The following STRADA variants were observed in gnomAD, a reference collection of about 807,000 sequenced individuals.
The protein encoded by STRADA is STE20 related adaptor alpha.
In STRADA, 26 loss-of-function variants were observed where a neutral mutation model predicts 55.0. That is an observed-to-expected ratio of 0.47 (90% CI 0.35 to 0.66). The LOEUF is 0.66. STRADA is among the 30% of genes least tolerant of loss of function. STRADA has a pLI of 0.01. For synonymous variants in STRADA, 197 were observed against 210.9 expected (o/e 0.93, Z 0.57); for missense variants, 443 against 549.7 (o/e 0.81, Z 1.94).
In STRADA at chr17:63,707,414, C is replaced by T. The variant is rs768478785; in HGVS notation, c.586G>A (p.Val196Ile). The stretch of plus-strand genomic sequence containing the variant: ...GAGATCAGGATGTGGCTGGCTTTGA[C>T]ACTCCTGGGGAAGCGGGGAGGGTGT... ...IHHMGYVHRSVKASHILISVD... is the reference protein window; with the variant it reads ...IHHMGYVHRSIKASHILISVD... The change falls in exon 9 of 13, where the codon GTC becomes ATC. Residue 196 changes from valine (V) to isoleucine (I), a missense_variant. By Grantham distance (29) the Val-to-Ile change is conservative. Coordinates refer to ENST00000336174, the MANE Select transcript of STRADA (RefSeq NM_001003787.4). The T allele has an allele frequency of 1.9e-6, 3 of 1,613,564 alleles. No homozygotes were observed. The South Asian group carries it at 3.3e-5, about 18-fold the overall frequency.
rs113214648 is a variant in STRADA at position 63,732,324 on chromosome 17, C to A, written c.-44-3911G>T. Among the ~76,000 whole-genome samples, 1,049 of 152,062 alleles carry A rather than the reference C, an allele frequency of 6.9e-3. 11 individuals carry two copies. Among genetic ancestry groups the A allele is most frequent in the African/African-American group, 0.023 (964 of 41,496 alleles). Reference sequence around the variant, plus strand: ...CTGGCCAATAGTGGCATATTAAAAACCATTCTTTTTTTGGAGACAGGGTCT... The same window carrying A: ...CTGGCCAATAGTGGCATATTAAAAAACATTCTTTTTTTGGAGACAGGGTCT... On this transcript the variant is annotated intron_variant, in intron 1 of 12. Transcript: ENST00000336174.
intron 5 of STRADA, among the ~76,000 whole-genome samples, chr17:63,713,800 T>C (rs2036667709): frequency 6.6e-6 from 1 of 152,164 alleles, no homozygotes; most frequent in African/African-American, 2.4e-5. Context: ...AAAGGAAAGA[T>C]GGCAAAAGAG....
At chr17:63,713,311 GT>G in intron 6 of STRADA, 94 bp downstream of exon 6, 1 of 1,523,846 alleles carries the variant, frequency 6.6e-7, no homozygotes, top group Non-Finnish European at 8.9e-7. Flanking sequence ...ACTTCCGAAC[GT>G]TTAGTCTCCC....
At chr17:63,704,620 T>TGGG (rs66871703) in intron 10 of STRADA, 38 bp from the exon 11 acceptor site, 6 of 1,214,078 alleles carry the variant, frequency 4.9e-6, no homozygotes, top group East Asian at 7.0e-5. Context: ...CTGTAGCGGG[T>TGGG]GGGGGGGGGG....
intron 1 of STRADA, among the ~76,000 whole-genome samples, chr17:63,739,873 G>A (rs943512517): frequency 4.5e-5 from 6 of 134,624 alleles, no homozygotes; most frequent in Admixed American, 2.8e-4. Context: ...GGCCCGGGAC[G>A]GCTGCTCCGA....
intron 1 of STRADA, among the ~76,000 whole-genome samples, chr17:63,736,363 C>T (rs1009556713): frequency 6.6e-6 from 1 of 151,570 alleles, no homozygotes; most frequent in Non-Finnish European, 1.5e-5. Context: ...CGCGGTGGCT[C>T]ACTCCTGTAA....
intron 1 of STRADA, among the ~76,000 whole-genome samples, chr17:63,731,774 G>A (rs539193277): frequency 3.0e-4 from 45 of 152,300 alleles, no homozygotes; most frequent in Non-Finnish European, 5.9e-5. Context: ...GAAAATTAGT[G>A]TAAAGAGGCA....
intron 1 of STRADA, among the ~76,000 whole-genome samples, chr17:63,736,180 A>AC (rs1240003072): frequency 6.7e-6 from 1 of 150,370 alleles, no homozygotes; most frequent in African/African-American, 2.4e-5. Context: ...TAGGTGATCC[A>AC]CCCGCCTCAG....
intron 9 of STRADA, 46 bp downstream of exon 9, chr17:63,707,201 G>A (rs761128449): frequency 1.0e-4 from 164 of 1,604,148 alleles, no homozygotes; most frequent in South Asian, 1.4e-4. Context: ...GCTCCCTTGG[G>A]AATCATGAGT....
intron 10 of STRADA, 135 bp from the exon 11 acceptor site, chr17:63,704,717 G>A: frequency 1.3e-6 from 2 of 1,511,384 alleles, no homozygotes; most frequent in Non-Finnish European, 8.8e-7. Flanking sequence ...GGAAAAGGTG[G>A]AAGTGGAGTA....
At chr17:63,712,708 GA>G (rs1248381870) in intron 6 of STRADA, among the ~76,000 whole-genome samples, 1 of 149,880 alleles carries the variant, frequency 6.7e-6, no homozygotes, top group Non-Finnish European at 1.5e-5. Flanking sequence ...ACCCTGTCTC[GA>G]AAAAAAAGAG....
At chr17:63,715,855 A>T (rs1467847049) in intron 4 of STRADA, among the ~76,000 whole-genome samples, 1 of 152,136 alleles carries the variant, frequency 6.6e-6, no homozygotes, top group Non-Finnish European at 1.5e-5. Flanking sequence ...TCAGCACATG[A>T]ATATATCTCA....
At position 63,704,000 on chromosome 17, in the gene STRADA, G is replaced by A. The variant is rs116089215; in HGVS notation, c.1143+5C>T. 4.3e-6 allele frequency: 7 copies of A among 1,614,072 alleles called. No homozygotes were observed. Among genetic ancestry groups the A allele is most frequent in the African/African-American group, 1.3e-5 (1 of 75,044 alleles). Reference sequence around the variant, plus strand: ...ACCAGAACCAGAACGAAGGGGCTACGATACCTGCTTGAAGAAAGAGTGGTT... The same window carrying A: ...ACCAGAACCAGAACGAAGGGGCTACAATACCTGCTTGAAGAAAGAGTGGTT... On this transcript the variant is annotated splice_donor_5th_base_variant and intron_variant, in intron 12 of 12. Coordinates refer to ENST00000336174, the MANE Select transcript of STRADA (RefSeq NM_001003787.4).
rs2036692590 is a variant in STRADA at position 63,714,115 on chromosome 17, A to G, written c.124-7T>C. 1 of 1,612,126 alleles carries G rather than the reference A, an allele frequency of 6.2e-7. No individual in the cohort carries two copies. The highest frequency in any genetic ancestry group is 1.3e-5 in the African/African-American group (1 of 74,886). Reference sequence around the variant, plus strand: ...CTGAGCTCGCATCATTGGTCTAAAAAAGAAAAAGAAAAATAGGTTAGTAGA... The same window carrying G: ...CTGAGCTCGCATCATTGGTCTAAAAGAGAAAAAGAAAAATAGGTTAGTAGA... On this transcript the variant is annotated splice_polypyrimidine_tract_variant and splice_region_variant and intron_variant, in intron 4 of 12. Transcript: ENST00000336174.
At position 63,740,107 on chromosome 17, in the gene STRADA, T is replaced by TATATATATACAC. The variant is rs1309095081; in HGVS notation, c.-45+1633_-45+1634insGTGTATATATAT. On this transcript the variant is annotated intron_variant, in intron 1 of 12. Coordinates refer to ENST00000336174, the MANE Select transcript of STRADA (RefSeq NM_001003787.4). ...AACACTATATATATATATATATATA[T>TATATATATACAC]ACATACATACATATATATATACACA... is the stretch of plus-strand genomic sequence containing the variant. Among the ~76,000 whole-genome samples, 168 of 49,648 alleles carry TATATATATACAC rather than the reference T, an allele frequency of 3.4e-3. 32 individuals are homozygous for TATATATATACAC. Among genetic ancestry groups the TATATATATACAC allele is most frequent in the Middle Eastern group, 0.011 (1 of 90 alleles). The allele number at this position is 49,648 out of a possible 152,430, so 32.6% of individuals were successfully genotyped here.
At chr17:63,708,695 C>T (rs1024861503) in intron 8 of STRADA, among the ~76,000 whole-genome samples, 4 of 151,898 alleles carry the variant, frequency 2.6e-5, no homozygotes, top group African/African-American at 4.8e-5. Flanking sequence ...CCACCATGCC[C>T]GGCTAATTTT....
intron 8 of STRADA, chr17:63,710,220 G>A (rs2036404594): frequency 3.1e-6 from 1 of 322,458 alleles, no homozygotes; most frequent in African/African-American, 2.2e-5. Context: ...TGTATTTTTA[G>A]TAGAGACAGG....
intron 1 of STRADA, among the ~76,000 whole-genome samples, chr17:63,734,661 G>C (rs1479853655): frequency 1.3e-5 from 2 of 151,982 alleles, no homozygotes; most frequent in Non-Finnish European, 2.9e-5. Flanking sequence ...AAGAATCAGG[G>C]ATACTTTTGC....
rs776021940 is a variant in STRADA, at chr17:63,704,010, TGAA to T, written c.1135_1137del (p.Phe379del). ...GAACGAAGGGGCTACGATACCTGCTTGAAGAAAGAGTGGTTCAGGAGGGTGCTG... is the reference window on the plus strand; with the variant it reads ...GAACGAAGGGGCTACGATACCTGCTTGAAAGAGTGGTTCAGGAGGGTGCTG... On this transcript the variant is annotated inframe_deletion, in exon 12 of 13. Transcript: ENST00000336174. 1.9e-6 allele frequency: 3 copies of T among 1,613,874 alleles called. No individual in the cohort carries two copies. The highest frequency in any genetic ancestry group is 2.5e-6 in the Non-Finnish European group (3 of 1,179,978).
Sources: gnomAD v4.1 joint callset for allele counts (sites outside exome capture counted in the v4.1 genomes callset) on GRCh38, gnomAD v4.1.1 for gene constraint, MANE v1.5 for transcripts, NCBI Gene and HGNC (gene_info 2026-07-23, HGNC 2026-07-21) for gene names.